Variants in NDUFA5 observed in about 807,000 individuals in gnomAD.
NDUFA5 encodes the protein NADH dehydrogenase [ubiquinone] 1 alpha subcomplex subunit 5.
In NDUFA5, 11 loss-of-function variants were observed where a neutral mutation model predicts 19.8. The ratio of observed to expected loss-of-function variants is 0.56; its 90% CI spans 0.35 to 0.92. NDUFA5 has a LOEUF of 0.92. NDUFA5 is among the 40% of genes least tolerant of loss of function. NDUFA5 has a pLI of 0.01. For synonymous variants in NDUFA5, 47 were observed against 46.8 expected, an observed-to-expected ratio of 1.00 and a Z score of -0.01; for missense variants, 109 against 134.2, an observed-to-expected ratio of 0.81 and a Z score of 0.93.
chr7:123,558,777 T>A (rs1383191230), upstream of NDUFA5, among the ~76,000 whole-genome samples: 1 of 152,178 alleles, frequency 6.6e-6, no homozygotes, highest in East Asian at 1.9e-4. Context: ...AAAATTTGAA[T>A]TTTACTTTTT....
the NDUFA5 span, among the ~76,000 whole-genome samples, chr7:123,595,999 C>A: frequency 2.0e-5 from 3 of 152,092 alleles, no homozygotes; most frequent in African/African-American, 4.8e-5. Flanking sequence ...CATTTTAAAT[C>A]TTGAAATCAA....
upstream of NDUFA5, among the ~76,000 whole-genome samples, chr7:123,561,179 A>G (rs1798683592): frequency 6.6e-6 from 1 of 152,236 alleles, no homozygotes. Context: ...TTCACAAAAG[A>G]TTTGTCAGTA....
the NDUFA5 span, among the ~76,000 whole-genome samples, chr7:123,590,800 A>G: frequency 1.3e-5 from 2 of 152,128 alleles, no homozygotes; most frequent in East Asian, 3.8e-4. Flanking sequence ...TTGGTTCCAT[A>G]TGAACTTTAA....
At chr7:123,551,179 G>A (rs1204715667) in intron 2 of NDUFA5, among the ~76,000 whole-genome samples, 2 of 150,310 alleles carry the variant, frequency 1.3e-5, no homozygotes, top group Non-Finnish European at 1.5e-5. Flanking sequence ...TGGAAATCAA[G>A]TCATTTACTA....
chr7:123,564,778 T>C, the NDUFA5 span, among the ~76,000 whole-genome samples: 1 of 152,130 alleles, frequency 6.6e-6, no homozygotes, highest in Non-Finnish European at 1.5e-5. Context: ...CCTTATGATT[T>C]CTTAACTTTA....
chr7:123,550,471 G>A lies in NDUFA5; in HGVS notation c.182C>T (p.Ala61Val), dbSNP rs753157331. The change falls in exon 3 of 5, where the codon GCG becomes GTG. Residue 61 changes from alanine to valine, a missense_variant and splice_region_variant. Transcript: ENST00000355749. ...ITNEKLAMVK[A>V]EPDVKKLEDQ... ...AACAAAACTGACTTAGCTACTTACCGCTTTAACCATAGCCAGCTTCTCATT... is the reference window on the plus strand; with the variant it reads ...AACAAAACTGACTTAGCTACTTACCACTTTAACCATAGCCAGCTTCTCATT... 1.4e-5 allele frequency: 22 copies of A among 1,591,650 alleles called. No homozygotes were observed. Among genetic ancestry groups the A allele is most frequent in the South Asian group, 1.0e-4 (9 of 89,958 alleles).
Position 123,550,685 on chromosome 7 carries a change from G to GTT in NDUFA5, c.67-101_67-100dup, listed in dbSNP as rs1236764840. ...GACAAAACAAACAAAACTCACATCT[G>GTT]TTTTTTTTTTTTGCTTTTTTTTTTT... is the stretch of plus-strand genomic sequence containing the variant. On this transcript the variant is annotated intron_variant, in intron 2 of 4. Coordinates refer to ENST00000355749, the MANE Select transcript of NDUFA5 (RefSeq NM_005000.5). 2.3e-3 allele frequency: 1,049 copies of GTT among 447,004 alleles called. 1 individual carries two copies. The highest frequency in any genetic ancestry group is 5.3e-3 in the African/African-American group (216 of 41,116). 27.7% of individuals were successfully genotyped at this position (447,004 alleles called of 1,614,324 possible).
the NDUFA5 span, among the ~76,000 whole-genome samples, chr7:123,580,775 G>C: frequency 3.3e-5 from 5 of 152,046 alleles, no homozygotes; most frequent in African/African-American, 1.2e-4. Flanking sequence ...TGGAAGCCCT[G>C]AGATAAGGGC....
intron 2 of NDUFA5, chr7:123,557,125 A>G (rs2116209909): frequency 1.6e-6 from 1 of 644,764 alleles, no homozygotes; most frequent in East Asian, 3.1e-5. Context: ...TATAAATTTG[A>G]GATGGCGCTG....
chr7:123,554,288 T>C (rs1798458637), intron 2 of NDUFA5, among the ~76,000 whole-genome samples: 1 of 152,218 alleles, frequency 6.6e-6, no homozygotes, highest in Admixed American at 6.5e-5. Context: ...TTTTTCTTCA[T>C]TAAAAAATTA....
At chr7:123,571,563 C>T in the NDUFA5 span, among the ~76,000 whole-genome samples, 1 of 151,918 alleles carries the variant, frequency 6.6e-6, no homozygotes, top group Non-Finnish European at 1.5e-5. Context: ...AAAGTGTATC[C>T]AAGCCAAAAT....
At chr7:123,597,917 C>CGTGTGTGTGTGTATGTGTGTGT in the NDUFA5 span, among the ~76,000 whole-genome samples, 7 of 132,972 alleles carry the variant, frequency 5.3e-5, no homozygotes, top group African/African-American at 2.0e-4. Context: ...TTTCAAACTT[C>CGTGTGTGTGTGTATGTGTGTGT]GTGTGTGTGT....
At chr7:123,575,813 T>G in the NDUFA5 span, among the ~76,000 whole-genome samples, 1 of 124,278 alleles carries the variant, frequency 8.0e-6, no homozygotes, top group Non-Finnish European at 1.7e-5. Flanking sequence ...AGCATGAAGT[T>G]TTCTTTTTTT....
the NDUFA5 span, among the ~76,000 whole-genome samples, chr7:123,595,719 C>G: frequency 6.6e-6 from 1 of 152,308 alleles, no homozygotes; most frequent in South Asian, 2.1e-4. Flanking sequence ...CATTCATCTA[C>G]TTCTCTGGAT....
intron 3 of NDUFA5, among the ~76,000 whole-genome samples, chr7:123,546,427 T>C (rs1584690311): frequency 6.6e-6 from 1 of 152,208 alleles, no homozygotes; most frequent in Admixed American, 6.5e-5. Context: ...AAAGTCCTTT[T>C]TTTCTACACA....
At chr7:123,583,654 C>T in the NDUFA5 span, among the ~76,000 whole-genome samples, 7 of 151,772 alleles carry the variant, frequency 4.6e-5, no homozygotes, top group African/African-American at 1.5e-4. Context: ...AAGATTTTTT[C>T]GGAGAGAAGG....
chr7:123,601,114 G>A, the NDUFA5 span, among the ~76,000 whole-genome samples: 1 of 152,162 alleles, frequency 6.6e-6, no homozygotes, highest in Non-Finnish European at 1.5e-5. Flanking sequence ...GGTGGCCTGA[G>A]TTAATCCAAG....
chr7:123,561,381 A>G (rs146260691), upstream of NDUFA5, among the ~76,000 whole-genome samples: 449 of 152,318 alleles, frequency 2.9e-3, 2 homozygotes, highest in African/African-American at 0.01. Flanking sequence ...TTCTTTGTTC[A>G]TTCAAGAAGC....
rs937418471 is a variant in NDUFA5 at position 123,539,915 on chromosome 7, A to G, written c.*2204T>C. ...TTGGTACAGCCCATACAGCACAGGA[A>G]GAAGTCACAACATCCCAAGCATATT... On this transcript the variant is annotated 3_prime_UTR_variant, in exon 5 of 5. Transcript: ENST00000355749. The G allele has an allele frequency of 3.9e-5, 6 of 152,226 alleles. No individual in the cohort carries two copies. Among genetic ancestry groups the G allele is most frequent in the African/African-American group, 1.4e-4 (6 of 41,454 alleles). 9.4% of individuals were successfully genotyped at this position (152,226 alleles called of 1,614,324 possible). A position where few individuals can be genotyped will look rare whatever the true frequency, so the allele number is the denominator to read the frequency against.
Sources: allele counts gnomAD v4.1 joint callset (sites outside exome capture counted in the v4.1 genomes callset), GRCh38; gene constraint gnomAD v4.1.1; transcripts MANE v1.5; gene names NCBI Gene and HGNC (gene_info 2026-07-23, HGNC 2026-07-21).